CDHR1: variants seen among roughly 807,000 people sequenced by gnomAD.
The protein encoded by CDHR1 is cadherin related family member 1.
CDHR1 carries 61 observed loss-of-function variants against 72.1 expected under a neutral mutation model. The ratio of observed to expected loss-of-function variants is 0.85; its 90% CI spans 0.69 to 1.05. The LOEUF (loss-of-function observed/expected upper bound fraction) is 1.05, where lower values mean the gene tolerates loss of function less well. Ranked by LOEUF, CDHR1 falls within the 50% of genes least tolerant of loss-of-function variation. CDHR1 has a pLI of 0.00. For missense variants in CDHR1, 1,186 were observed against 1,115.7 expected, an observed-to-expected ratio of 1.06 and a Z score of -0.90; for synonymous variants, 470 against 448.1, an observed-to-expected ratio of 1.05 and a Z score of -0.62.
At chr10:84,199,916 T>C (rs1842093081) in intron 5 of CDHR1, among the ~76,000 whole-genome samples, 1 of 152,178 alleles carries the variant, frequency 6.6e-6, no homozygotes, top group South Asian at 2.1e-4. Context: ...CTCACACCTG[T>C]AATCCCAGCA....
At position 84,218,596 on chromosome 10, in the gene CDHR1, T is replaced by A. The variant is rs1267828981; in HGVS notation, c.*3975T>A. On this transcript the variant is annotated 3_prime_UTR_variant, in exon 17 of 17. Transcript: ENST00000623527. ...AGGGAGTCTTCATTTTAAAAGCAAG[T>A]AGCCCTGCTTACAAATGTCTCCTCA... 9.3e-5 allele frequency: 92 copies of A among 985,450 alleles called. No homozygotes were observed. The highest frequency in any genetic ancestry group is 1.1e-4 in the Non-Finnish European group (91 of 830,024). The allele number at this position is 985,450 out of a possible 1,614,324, so 61.0% of individuals were successfully genotyped here.
chr10:84,210,297 A>C, intron 12 of CDHR1, among the ~76,000 whole-genome samples: 1 of 151,102 alleles, frequency 6.6e-6, no homozygotes, highest in Non-Finnish European at 1.5e-5. Flanking sequence ...CAAGAGTCTC[A>C]CTCTTTCCCC....
At position 84,217,630 on chromosome 10, in the gene CDHR1, AGACACTTGCCGT is replaced by A; in HGVS notation, c.*3013_*3024del. 3 of 985,474 alleles carry A rather than the reference AGACACTTGCCGT, an allele frequency of 3.0e-6. No individual in the cohort carries two copies. The highest frequency in any genetic ancestry group is 3.6e-6 in the Non-Finnish European group (3 of 829,944). The allele number at this position is 985,474 out of a possible 1,614,324, so 61.0% of individuals were successfully genotyped here. ...TTGTATCTACTTACACAAGCTCAGT[AGACACTTGCCGT>A]GACTGTGGCCCACATACTAGAACAC... On this transcript the variant is annotated 3_prime_UTR_variant, in exon 17 of 17. Coordinates refer to ENST00000623527, the MANE Select transcript of CDHR1 (RefSeq NM_033100.4).
Position 84,213,290 on chromosome 10 carries a change from G to A in CDHR1, c.1982G>A (p.Arg661Gln), listed in dbSNP as rs150840551. The A allele has an allele frequency of 5.8e-5, 93 of 1,614,076 alleles. No individual in the cohort carries two copies. The highest frequency in any genetic ancestry group is 8.0e-5 in the African/African-American group (6 of 74,936). Reference protein sequence around the residue: ...LWSLEVQAKDRGSPSFSTTAL... With the variant: ...LWSLEVQAKDQGSPSFSTTAL... ...TCCCTAGAGGTGCAGGCCAAGGACC[G>A]GGGCTCCCCATCCTTCAGCACCACA... The change falls in exon 16 of 17, where the codon CGG becomes CAG. Residue 661 changes from arginine to glutamine, a missense_variant. Physicochemically the swap from Arg to Gln is conservative, Grantham distance 43. Coordinates refer to ENST00000623527, the MANE Select transcript of CDHR1 (RefSeq NM_033100.4).
intron 8 of CDHR1, among the ~76,000 whole-genome samples, chr10:84,203,957 GAC>G (rs150632306): frequency 0.032 from 4,878 of 152,232 alleles, 137 homozygotes; most frequent in East Asian, 0.13. Flanking sequence ...GCCTGGAGTT[GAC>G]CAGAGAGAAA....
At chr10:84,210,104 C>G (rs1042175325) in intron 12 of CDHR1, among the ~76,000 whole-genome samples, 1 of 152,170 alleles carries the variant, frequency 6.6e-6, no homozygotes, top group African/African-American at 2.4e-5. Context: ...CCTGTAGTCT[C>G]AGCTACTTGG....
In CDHR1 at chr10:84,216,041, C is replaced by T. The variant is rs1842421041; in HGVS notation, c.*1420C>T. On this transcript the variant is annotated 3_prime_UTR_variant, in exon 17 of 17. Transcript: ENST00000623527. ...GCCCTTATCAGCTTGTGACAACCTT[C>T]CCCAGGACAGAAGTCATACAAGGCC... is the stretch of plus-strand genomic sequence containing the variant. The T allele has an allele frequency of 9.1e-6, 9 of 985,422 alleles. No individual in the cohort carries two copies. The South Asian group carries it at 3.3e-4, about 36-fold the overall frequency. The allele number at this position is 985,422 out of a possible 1,614,324, so 61.0% of individuals were successfully genotyped here.
intron 6 of CDHR1, among the ~76,000 whole-genome samples, chr10:84,201,332 GCCT>G (rs1842121312): frequency 6.6e-6 from 1 of 152,216 alleles, no homozygotes; most frequent in Non-Finnish European, 1.5e-5. Flanking sequence ...CTCCCTGCCT[GCCT>G]CCTTCAGGCT....
At position 84,203,099 on chromosome 10, in the gene CDHR1, C is replaced by T. The variant is rs758864819; in HGVS notation, c.759C>T (p.Gly253=). The change falls in exon 8 of 17, where the codon GGC becomes GGT. Residue 253 remains glycine, a synonymous_variant. Transcript: ENST00000623527. The part of the protein sequence containing the change: ...APVFVGTPYY[G]YVYEDTLPGS... Reference sequence around the variant, plus strand: ...TCTTCGTGGGCACACCCTACTATGGCTATGTGTACGAGGACACCCTTCCGG... The same window carrying T: ...TCTTCGTGGGCACACCCTACTATGGTTATGTGTACGAGGACACCCTTCCGG... The T allele has an allele frequency of 1.2e-6, 2 of 1,614,234 alleles. No individual in the cohort carries two copies. The highest frequency in any genetic ancestry group is 1.1e-5 in the South Asian group (1 of 91,082).
chr10:84,196,345 G>A (rs964591019), intron 2 of CDHR1, among the ~76,000 whole-genome samples, 160 bp from the exon 3 acceptor site: 59 of 152,310 alleles, frequency 3.9e-4, no homozygotes, highest in African/African-American at 1.4e-3. Context: ...GCAGCCAGCA[G>A]GGGTGAGGCC....
chr10:84,198,519 C>A (rs1821774917), intron 4 of CDHR1, among the ~76,000 whole-genome samples: 2 of 152,250 alleles, frequency 1.3e-5, no homozygotes, highest in Admixed American at 1.3e-4. Flanking sequence ...GCACATACAA[C>A]CCCTTCTTCC....
rs753370621 is a variant in CDHR1, at chr10:84,211,077, A to G, written c.1397A>G (p.Asn466Ser). ...GTTGTGATCCAGCTCCTGGACACCAATGACAATGTCCCCAAGTTCGACTCC... is the reference window on the plus strand; with the variant it reads ...GTTGTGATCCAGCTCCTGGACACCAGTGACAATGTCCCCAAGTTCGACTCC... ...ADVVIQLLDT[N>S]DNVPKFDSLY... The change falls in exon 13 of 17, where the codon AAT (asparagine) becomes AGT (serine). Residue 466 changes from asparagine (N) to serine (S), a missense_variant. Coordinates refer to ENST00000623527, the MANE Select transcript of CDHR1 (RefSeq NM_033100.4). The G allele has an allele frequency of 1.3e-5, 21 of 1,614,080 alleles. No individual in the cohort carries two copies. Among genetic ancestry groups the G allele is most frequent in the Admixed American group, 1.2e-4 (7 of 60,006 alleles).
At chr10:84,204,463 T>A in intron 8 of CDHR1, 64 bp from the exon 9 acceptor site, 1 of 1,121,966 alleles carries the variant, frequency 8.9e-7, no homozygotes, top group African/African-American at 1.5e-5. Context: ...CATGGAGACA[T>A]TGTTTGGGGA....
chr10:84,210,514 G>C (rs541464313), intron 12 of CDHR1, among the ~76,000 whole-genome samples: 47 of 152,204 alleles, frequency 3.1e-4, no homozygotes, highest in African/African-American at 6.7e-4. Flanking sequence ...TGATCCACCC[G>C]CCTTGGCCTC....
chr10:84,218,705 T>G, downstream of CDHR1: 1 of 989,818 alleles, frequency 1.0e-6, no homozygotes, highest in Non-Finnish European at 1.2e-6. Flanking sequence ...TATCGGAAAC[T>G]GTAGCATCTT....
rs1842450136 is a variant in CDHR1, at chr10:84,217,851, G to A, written c.*3230G>A. ...CTGTGTAGCCGGCAGCCTGCATTTG[G>A]GCGTTGACATTCCAGGGGAGTTAGG... On this transcript the variant is annotated 3_prime_UTR_variant, in exon 17 of 17. Coordinates refer to ENST00000623527, the MANE Select transcript of CDHR1 (RefSeq NM_033100.4). 4.1e-6 allele frequency: 4 copies of A among 985,446 alleles called. No individual in the cohort carries two copies. The highest frequency in any genetic ancestry group is 4.8e-6 in the Non-Finnish European group (4 of 829,962). 61.0% of individuals were successfully genotyped at this position (985,446 alleles called of 1,614,324 possible). A position where few individuals can be genotyped will look rare whatever the true frequency, so the allele number is the denominator to read the frequency against.
At position 84,205,917 on chromosome 10, in the gene CDHR1, TGCATG is replaced by T. The variant is rs760608593; in HGVS notation, c.954_958del (p.His319ThrfsTer4). 4 of 1,613,130 alleles carry T rather than the reference TGCATG, an allele frequency of 2.5e-6. No individual in the cohort carries two copies. The highest frequency in any genetic ancestry group is 3.4e-6 in the Non-Finnish European group (4 of 1,179,196). On this transcript the variant is annotated frameshift_variant, in exon 10 of 17. Transcript: ENST00000623527. LOFTEE classifies it high-confidence loss of function. ...CAGCTCCAGAGAGAGGTGTATGAGC[TGCATG>T]TACAGGTACCCTCCCTCTAGCTTTG...
Position 84,218,526 on chromosome 10 carries a change from A to G in CDHR1, c.*3905A>G. 3.0e-6 allele frequency: 3 copies of G among 985,446 alleles called. No homozygotes were observed. Among genetic ancestry groups the G allele is most frequent in the Non-Finnish European group, 3.6e-6 (3 of 829,934 alleles). 61.0% of individuals were successfully genotyped at this position (985,446 alleles called of 1,614,324 possible). ...ACAAGATAGAAGGAAAGAAGAAAAGAAAAAGAACAACATTCCTCTCTTTAA... is the reference window on the plus strand; with the variant it reads ...ACAAGATAGAAGGAAAGAAGAAAAGGAAAAGAACAACATTCCTCTCTTTAA... On this transcript the variant is annotated 3_prime_UTR_variant, in exon 17 of 17. Transcript: ENST00000623527.
In CDHR1 at chr10:84,208,780, CG is replaced by C. The variant is rs1842277745; in HGVS notation, c.1220del (p.Arg407GlnfsTer8). On this transcript the variant is annotated frameshift_variant, in exon 12 of 17. Transcript: ENST00000623527. LOFTEE classifies it high-confidence loss of function. The part of the protein sequence containing the change: ...LQLVGPRGIF[R>X]VVPQTVLNEA... ...GCTGGTGGGACCCAGGGGCATCTTC[CG>C]AGTGGTTCCACAGACAGTCCTGAAT... 2.5e-6 allele frequency: 4 copies of C among 1,614,158 alleles called. No individual in the cohort carries two copies. Among genetic ancestry groups the C allele is most frequent in the Non-Finnish European group, 3.4e-6 (4 of 1,180,004 alleles).
Sources: gnomAD v4.1 joint callset for allele counts (sites outside exome capture counted in the v4.1 genomes callset) on GRCh38, gnomAD v4.1.1 for gene constraint, MANE v1.5 for transcripts, NCBI Gene and HGNC (gene_info 2026-07-23, HGNC 2026-07-21) for gene names.